The following COLEC12 variants were observed in gnomAD, a reference collection of about 807,000 sequenced individuals.
COLEC12 encodes collectin-12.
A neutral mutation model predicts 71.1 loss-of-function variants in COLEC12; 33 were observed. The ratio of observed to expected loss-of-function variants is 0.46; its 90% CI spans 0.35 to 0.62. The LOEUF (loss-of-function observed/expected upper bound fraction) is 0.62. Among genes scored for constraint, COLEC12 ranks in the 20% least tolerant of loss-of-function variants. The pLI is 0.00. For synonymous variants in COLEC12, 350 were observed against 353.0 expected (o/e 0.99, Z 0.10); for missense variants, 765 against 916.1 (o/e 0.84, Z 2.13).
At chr18:468,339 A>G (rs920531895) in intron 2 of COLEC12, among the ~76,000 whole-genome samples, 8 of 152,202 alleles carry the variant, frequency 5.3e-5, no homozygotes, top group African/African-American at 7.2e-5. Context: ...ATGCAAACCC[A>G]TAACACTGTA....
At chr18:330,695 AG>A (rs1264703146) in intron 8 of COLEC12, among the ~76,000 whole-genome samples, 7 of 151,978 alleles carry the variant, frequency 4.6e-5, no homozygotes, top group African/African-American at 1.5e-4. Context: ...GGAGACTTCT[AG>A]GTTATCCAAG....
At chr18:462,644 G>C (rs1917005409) in intron 2 of COLEC12, among the ~76,000 whole-genome samples, 2 of 152,164 alleles carry the variant, frequency 1.3e-5, no homozygotes, top group African/African-American at 2.4e-5. Flanking sequence ...TACTGAACTG[G>C]TACACCTTAA....
At chr18:378,604 T>C (rs1915164344) in intron 2 of COLEC12, among the ~76,000 whole-genome samples, 3 of 152,124 alleles carry the variant, frequency 2.0e-5, no homozygotes, top group Admixed American at 2.0e-4. Flanking sequence ...TTGCAATCCA[T>C]TTCTTGGCAA....
intron 1 of COLEC12, among the ~76,000 whole-genome samples, chr18:481,948 A>G (rs1917426100): frequency 6.6e-6 from 1 of 151,880 alleles, no homozygotes; most frequent in Admixed American, 6.6e-5. Context: ...CCGGGGGTAC[A>G]TGTGCATGTC....
intron 2 of COLEC12, among the ~76,000 whole-genome samples, chr18:377,380 G>A (rs570193952): frequency 4.6e-5 from 7 of 152,366 alleles, no homozygotes; most frequent in Admixed American, 2.0e-4. Flanking sequence ...TAAAGAACCC[G>A]TAGGAATTAG....
In COLEC12 at chr18:408,622, AAGAC is replaced by A. The variant is rs1043160882; in HGVS notation, c.59-51104_59-51101del. 6.0e-5 allele frequency among the ~76,000 whole-genome samples: 9 copies of A among 151,110 alleles called. No homozygotes were observed. Among genetic ancestry groups the A allele is most frequent in the Admixed American group, 1.3e-4 (2 of 15,096 alleles). On this transcript the variant is annotated intron_variant, in intron 2 of 9. Coordinates refer to ENST00000400256, the MANE Select transcript of COLEC12 (RefSeq NM_130386.3). This position sits in a 1 kb window ranked among gnomAD's most constrained non-coding sequence, Gnocchi z 4.3. ...ATATTGAGAAAAAGGAAAAAAAAAA[AAGAC>A]AGGAAAATAAAAGCATGGGAGGAAA...
chr18:350,699 G>A (rs752082475), intron 3 of COLEC12, among the ~76,000 whole-genome samples: 13 of 152,062 alleles, frequency 8.5e-5, no homozygotes, highest in East Asian at 7.7e-4. Flanking sequence ...AGGCTGGGGT[G>A]GGTGGATCAT....
chr18:335,353 G>A (rs1442140831), intron 5 of COLEC12, 123 bp from the exon 6 acceptor site: 1 of 1,037,398 alleles, frequency 9.6e-7, no homozygotes, highest in Non-Finnish European at 1.4e-6. Context: ...ATACAGCAGG[G>A]AAAGACCATC....
At chr18:428,747 A>T (rs934830877) in intron 2 of COLEC12, among the ~76,000 whole-genome samples, 15 of 152,226 alleles carry the variant, frequency 9.9e-5, no homozygotes, top group African/African-American at 3.4e-4. Context: ...TAATTAAGAC[A>T]CCAAACTATT....
intron 2 of COLEC12, among the ~76,000 whole-genome samples, chr18:405,491 G>C (rs547594118): frequency 1.1e-4 from 17 of 152,286 alleles, no homozygotes; most frequent in African/African-American, 4.1e-4. Context: ...CAGTGGCCCA[G>C]CTGCAAAATT....
Position 480,715 on chromosome 18 carries a change from T to C in COLEC12, c.50A>G (p.Lys17Arg), listed in dbSNP as rs1202404629. ...EEEEVQSFGY[K>R]RFGIQEGTQC... ...GCTTTGTTAGGACTCACCAAACCGC[T>C]TGTAACCGAAGGATTGCACCTCCTC... Residue 17 changes from lysine (K) to arginine (R), a missense_variant, in exon 2 of 10, where the codon AAG (lysine) becomes AGG (arginine). Lys to Arg is a conservative substitution (Grantham distance 26). Transcript: ENST00000400256. The surrounding 1 kb of genome is among the most constrained non-coding windows in gnomAD (Gnocchi z 4.1). The C allele has an allele frequency of 2.5e-6, 4 of 1,613,852 alleles. No individual in the cohort carries two copies. Among genetic ancestry groups the C allele is most frequent in the Admixed American group, 1.7e-5 (1 of 59,990 alleles).
intron 2 of COLEC12, among the ~76,000 whole-genome samples, chr18:372,427 T>C (rs1307702731): frequency 6.6e-6 from 1 of 152,112 alleles, no homozygotes; most frequent in Non-Finnish European, 1.5e-5. Flanking sequence ...TTTTGTTTGT[T>C]TGTTTTTTGA....
chr18:400,746 G>A (rs1167703415), intron 2 of COLEC12, among the ~76,000 whole-genome samples: 1 of 152,218 alleles, frequency 6.6e-6, no homozygotes, highest in East Asian at 1.9e-4. Flanking sequence ...GCACATGGCT[G>A]TCGGTTATGC....
chr18:357,342 G>A (rs1378785719), intron 3 of COLEC12, 58 bp downstream of exon 3: 5 of 1,518,750 alleles, frequency 3.3e-6, no homozygotes, highest in East Asian at 2.3e-5. Flanking sequence ...GTTTTCTCAT[G>A]CTTAAATTAA....
chr18:478,740 T>G (rs569457495), intron 2 of COLEC12, among the ~76,000 whole-genome samples: 40 of 152,256 alleles, frequency 2.6e-4, no homozygotes, highest in Non-Finnish European at 5.1e-4. Context: ...ATTCTCAGCA[T>G]CAGGAATGTC....
intron 3 of COLEC12, among the ~76,000 whole-genome samples, chr18:355,613 A>G (rs1914614703): frequency 6.6e-6 from 1 of 152,206 alleles, no homozygotes; most frequent in African/African-American, 2.4e-5. Flanking sequence ...CATGTTATAT[A>G]TTTGCCAAAC....
Position 456,099 on chromosome 18 carries a change from A to G in COLEC12, c.58+24608T>C, listed in dbSNP as rs535215678. Among the ~76,000 whole-genome samples, 4 of 152,306 alleles carry G rather than the reference A, an allele frequency of 2.6e-5. 1 individual carries two copies. The highest frequency in any genetic ancestry group is 7.2e-5 in the African/African-American group (3 of 41,560). On this transcript the variant is annotated intron_variant, in intron 2 of 9. Transcript: ENST00000400256. Reference sequence around the variant, plus strand: ...GCTGGCTGGTTTAAGAGGGTCTTGCAGTACCTTCTATGGAGCATTTTACTA... The same window carrying G: ...GCTGGCTGGTTTAAGAGGGTCTTGCGGTACCTTCTATGGAGCATTTTACTA...
intron 2 of COLEC12, among the ~76,000 whole-genome samples, chr18:392,309 A>T (rs989617376): frequency 2.8e-4 from 43 of 152,236 alleles, no homozygotes; most frequent in African/African-American, 1.0e-3. Flanking sequence ...AAGGTAAAAA[A>T]TAACTGCACT....
At chr18:488,181 C>A (rs2143785347) in intron 1 of COLEC12, among the ~76,000 whole-genome samples, 1 of 152,184 alleles carries the variant, frequency 6.6e-6, no homozygotes, top group South Asian at 2.1e-4. Context: ...GAGGCTGAGG[C>A]AGGTGGATCA....
Sources: allele counts gnomAD v4.1 joint callset (sites outside exome capture counted in the v4.1 genomes callset), GRCh38; gene constraint gnomAD v4.1.1; non-coding constraint Gnocchi (gnomAD v3.1); transcripts MANE v1.5; gene names NCBI Gene and HGNC (gene_info 2026-07-23, HGNC 2026-07-21).